FBXO45: variants seen among roughly 807,000 people sequenced by gnomAD.
FBXO45 encodes F-box protein 45, also known as F-box/SPRY domain-containing protein 1.
FBXO45 carries 3 observed loss-of-function variants against 25.5 expected under a neutral mutation model. The ratio of observed to expected loss-of-function variants is 0.12; its 90% CI spans 0.05 to 0.30. The LOEUF (loss-of-function observed/expected upper bound fraction) is 0.30, where lower values mean the gene tolerates loss of function less well. FBXO45 is among the 10% of genes least tolerant of loss of function. The probability of loss-of-function intolerance (pLI) is 1.00; values close to 1 mark genes in which losing one functional copy is unlikely to be tolerated. For synonymous variants in FBXO45, 155 were observed against 149.8 expected (o/e 1.03, Z -0.25); for missense variants, 219 against 365.0 (o/e 0.60, Z 3.26).
chr3:196,572,306 G>A (rs890745308), intron 1 of FBXO45, among the ~76,000 whole-genome samples: 1 of 152,224 alleles, frequency 6.6e-6, no homozygotes, highest in Non-Finnish European at 1.5e-5. Context: ...CAGTCTAGTA[G>A]GGGAAATGGA....
At chr3:196,579,659 G>T (rs1373051926) in intron 2 of FBXO45, among the ~76,000 whole-genome samples, 1 of 152,042 alleles carries the variant, frequency 6.6e-6, no homozygotes, top group Non-Finnish European at 1.5e-5. Context: ...AGGCAAAGTC[G>T]ATTGATAATG....
intron 1 of FBXO45, among the ~76,000 whole-genome samples, chr3:196,570,793 C>G (rs948386211): frequency 2.0e-5 from 3 of 149,562 alleles, no homozygotes; most frequent in Non-Finnish European, 4.4e-5. Flanking sequence ...CTCACTGCAA[C>G]CTCCGCCTCC....
At position 196,585,896 on chromosome 3, in the gene FBXO45, G is replaced by A. The variant is rs1736099728; in HGVS notation, c.*1578G>A. The A allele has an allele frequency of 1.3e-5, 2 of 152,190 alleles. No homozygotes were observed. Among genetic ancestry groups the A allele is most frequent in the African/African-American group, 4.8e-5 (2 of 41,436 alleles). The allele number at this position is 152,190 out of a possible 1,614,324, so 9.4% of individuals were successfully genotyped here. ...GGGATTCTTGGATTGCTCCTTGGGA[G>A]TTAAGATTGTCAATACTCCTGTGAA... On this transcript the variant is annotated 3_prime_UTR_variant, in exon 3 of 3. Transcript: ENST00000311630.
At chr3:196,581,223 CT>C (rs33962634) in intron 2 of FBXO45, among the ~76,000 whole-genome samples, 1,195 of 63,424 alleles carry the variant, frequency 0.019, 2 homozygotes, top group African/African-American at 0.074. Flanking sequence ...TTTCTTTTTC[CT>C]TTTTTTTTTT....
At chr3:196,582,395 C>T (rs1487043087) in intron 2 of FBXO45, among the ~76,000 whole-genome samples, 1 of 151,914 alleles carries the variant, frequency 6.6e-6, no homozygotes, top group Non-Finnish European at 1.5e-5. Context: ...GTTCTTAGAT[C>T]CATAAAATGA....
At chr3:196,578,575 T>C (rs578169620) in intron 2 of FBXO45, among the ~76,000 whole-genome samples, 13 of 152,158 alleles carry the variant, frequency 8.5e-5, no homozygotes, top group African/African-American at 2.4e-4. Context: ...CTATTTATAG[T>C]ACAAAAGCAG....
Position 196,586,481 on chromosome 3 carries a change from T to C in FBXO45, c.*2163T>C, listed in dbSNP as rs1736113203. ...CCGAATGTCCCATTCGCAAATCATATGCAATTGAAGTGAGCAGCATGAGCA... is the reference window on the plus strand; with the variant it reads ...CCGAATGTCCCATTCGCAAATCATACGCAATTGAAGTGAGCAGCATGAGCA... On this transcript the variant is annotated 3_prime_UTR_variant, in exon 3 of 3. Coordinates refer to ENST00000311630, the MANE Select transcript of FBXO45 (RefSeq NM_001105573.2). The C allele has an allele frequency of 6.6e-6, 1 of 152,214 alleles. No individual in the cohort carries two copies. The highest frequency in any genetic ancestry group is 1.5e-5 in the Non-Finnish European group (1 of 68,042). 9.4% of individuals were successfully genotyped at this position (152,214 alleles called of 1,614,324 possible). A position where few individuals can be genotyped will look rare whatever the true frequency, so the allele number is the denominator to read the frequency against.
chr3:196,582,625 T>A (rs1040221583), intron 2 of FBXO45, among the ~76,000 whole-genome samples: 8 of 152,308 alleles, frequency 5.3e-5, no homozygotes, highest in Non-Finnish European at 1.0e-4. Context: ...ACATCCTTTT[T>A]TTTTTTTTGC....
intron 2 of FBXO45, among the ~76,000 whole-genome samples, chr3:196,582,474 G>T (rs1281215734): frequency 1.3e-5 from 2 of 152,168 alleles, no homozygotes; most frequent in African/African-American, 4.8e-5. Context: ...CTGTTAACAG[G>T]AAATACAGTG....
Position 196,584,735 on chromosome 3 carries a change from A to G in FBXO45, c.*417A>G, listed in dbSNP as rs1736076349. ...CCTTTTTTTTCCAGCCAGCTTGACT[A>G]TTAGAAAAGTATGAAACTGGTTGGG... is the stretch of plus-strand genomic sequence containing the variant. On this transcript the variant is annotated 3_prime_UTR_variant, in exon 3 of 3. Coordinates refer to ENST00000311630, the MANE Select transcript of FBXO45 (RefSeq NM_001105573.2). The surrounding 1 kb of genome is among the most constrained non-coding windows in gnomAD (Gnocchi z 4.3). 6.5e-6 allele frequency: 1 copy of G among 153,808 alleles called. No individual in the cohort carries two copies. The highest frequency in any genetic ancestry group is 1.4e-5 in the Non-Finnish European group (1 of 69,238). 9.5% of individuals were successfully genotyped at this position (153,808 alleles called of 1,614,324 possible). A position where few individuals can be genotyped will look rare whatever the true frequency, so the allele number is the denominator to read the frequency against.
chr3:196,584,457 T>G lies in FBXO45; in HGVS notation c.*139T>G. 5.8e-5 allele frequency: 41 copies of G among 702,012 alleles called. No homozygotes were observed. Among genetic ancestry groups the G allele is most frequent in the Non-Finnish European group, 8.8e-5 (40 of 451,992 alleles). The allele number at this position is 702,012 out of a possible 1,614,324, so 43.5% of individuals were successfully genotyped here. On this transcript the variant is annotated 3_prime_UTR_variant, in exon 3 of 3. Coordinates refer to ENST00000311630, the MANE Select transcript of FBXO45 (RefSeq NM_001105573.2). This position sits in a 1 kb window ranked among gnomAD's most constrained non-coding sequence, Gnocchi z 4.3. ...AAGTCGTAAACTGGAGAAGCAGCTCTACAGCAGAGATTATCTTCGTGTTTC... is the reference window on the plus strand; with the variant it reads ...AAGTCGTAAACTGGAGAAGCAGCTCGACAGCAGAGATTATCTTCGTGTTTC...
chr3:196,574,019 C>CCT (rs1735873251), intron 1 of FBXO45, among the ~76,000 whole-genome samples: 2 of 146,748 alleles, frequency 1.4e-5, no homozygotes, highest in East Asian at 4.2e-4. Flanking sequence ...CTCACTGCAA[C>CCT]CTCTGCTTCC....
At chr3:196,580,545 G>A (rs901614936) in intron 2 of FBXO45, among the ~76,000 whole-genome samples, 1 of 151,996 alleles carries the variant, frequency 6.6e-6, no homozygotes, top group Non-Finnish European at 1.5e-5. Flanking sequence ...GGCTGGTCTC[G>A]AACTCCCAAC....
Position 196,584,752 on chromosome 3 carries a change from CTGGTTGGG to C in FBXO45, c.*436_*443del, listed in dbSNP as rs889366247. 6.5e-6 allele frequency: 1 copy of C among 152,728 alleles called. No homozygotes were observed. Among genetic ancestry groups the C allele is most frequent in the African/African-American group, 2.4e-5 (1 of 41,402 alleles). 9.5% of individuals were successfully genotyped at this position (152,728 alleles called of 1,614,324 possible). ...GCTTGACTATTAGAAAAGTATGAAA[CTGGTTGGG>C]TTTTATTTAATATTTTTAATATATT... On this transcript the variant is annotated 3_prime_UTR_variant, in exon 3 of 3. Coordinates refer to ENST00000311630, the MANE Select transcript of FBXO45 (RefSeq NM_001105573.2). The surrounding 1 kb of genome is among the most constrained non-coding windows in gnomAD (Gnocchi z 4.3).
chr3:196,574,288 TTAATG>T (rs1302917991), intron 1 of FBXO45, among the ~76,000 whole-genome samples: 2 of 152,186 alleles, frequency 1.3e-5, no homozygotes, highest in African/African-American at 4.8e-5. Context: ...GTAAAGACAC[TTAATG>T]TAATCACAAT....
rs576220934 is a variant in FBXO45 at position 196,576,808 on chromosome 3, G to C, written c.319-645G>C. 2.0e-5 allele frequency among the ~76,000 whole-genome samples: 3 copies of C among 152,302 alleles called. No individual in the cohort carries two copies. In the East Asian group the frequency reaches 5.8e-4, roughly 29 times the overall value. On this transcript the variant is annotated intron_variant, in intron 1 of 2. Coordinates refer to ENST00000311630, the MANE Select transcript of FBXO45 (RefSeq NM_001105573.2). ...TTATTGTGTAAGTCATATCCAGCAA[G>C]TAGGCTGAGGATCTAAGGTAGTTTG...
At position 196,577,635 on chromosome 3, in the gene FBXO45, T is replaced by C; in HGVS notation, c.501T>C (p.Thr167=). 4 of 1,613,752 alleles carry C rather than the reference T, an allele frequency of 2.5e-6. No homozygotes were observed. The highest frequency in any genetic ancestry group is 1.1e-5 in the South Asian group (1 of 91,048). ...TGTGGTGGGAGGGCCCTCTGGGCAC[T>C]GTGGCAGTGATTGGAATTGCCACAA... is the stretch of plus-strand genomic sequence containing the variant. The part of the protein sequence containing the change: ...WEVWWEGPLG[T]VAVIGIATKR... The change falls in exon 2 of 3, where the codon ACT becomes ACC. Residue 167 remains threonine (T), a synonymous_variant. Coordinates refer to ENST00000311630, the MANE Select transcript of FBXO45 (RefSeq NM_001105573.2).
At chr3:196,570,556 C>G (rs12636666) in intron 1 of FBXO45, among the ~76,000 whole-genome samples, 1 of 151,786 alleles carries the variant, frequency 6.6e-6, no homozygotes, top group African/African-American at 2.4e-5. Context: ...TTAATGCTAG[C>G]TTGCCAACAG....
At chr3:196,582,976 C>G (rs1384162442) in intron 2 of FBXO45, among the ~76,000 whole-genome samples, 1 of 152,140 alleles carries the variant, frequency 6.6e-6, no homozygotes, top group Non-Finnish European at 1.5e-5. Flanking sequence ...ATACCCAAAA[C>G]TTTTTCCTCA....
Sources: allele counts gnomAD v4.1 joint callset (sites outside exome capture counted in the v4.1 genomes callset), GRCh38; gene constraint gnomAD v4.1.1; non-coding constraint Gnocchi (gnomAD v3.1); transcripts MANE v1.5; gene names NCBI Gene and HGNC (gene_info 2026-07-23, HGNC 2026-07-21).